Variants in KLHL13 observed in about 807,000 individuals in gnomAD.
KLHL13 encodes kelch-like protein 13.
Under a neutral mutation model 37.1 loss-of-function variants are expected in KLHL13, and 10 were observed. That is an observed-to-expected ratio of 0.27 (90% CI 0.17 to 0.46). The LOEUF (loss-of-function observed/expected upper bound fraction) is 0.46, where lower values mean the gene tolerates loss of function less well. Among genes scored for constraint, KLHL13 ranks in the 20% least tolerant of loss-of-function variants. The probability of loss-of-function intolerance (pLI) is 1.00; values close to 1 mark genes in which losing one functional copy is unlikely to be tolerated. For synonymous variants in KLHL13, 163 were observed against 181.2 expected, an observed-to-expected ratio of 0.90 and a Z score of 0.81; for missense variants, 360 against 509.3, an observed-to-expected ratio of 0.71 and a Z score of 2.82.
At chrX:117,930,084 G>C (rs759063101) in intron 2 of KLHL13, among the ~76,000 whole-genome samples, 2 of 108,304 alleles carry the variant, frequency 1.8e-5, no homozygotes, top group Non-Finnish European at 1.9e-5. Flanking sequence ...CATTTTTCTA[G>C]AGGTTTTATC....
chrX:118,032,515 C>T (rs980584399), intron 1 of KLHL13, among the ~76,000 whole-genome samples: 1 of 111,955 alleles, frequency 8.9e-6, no homozygotes, highest in Admixed American at 9.5e-5. Flanking sequence ...CTCCAACAGA[C>T]CTGCAGCTGA....
chrX:117,930,266 A>C (rs866822078), intron 2 of KLHL13, among the ~76,000 whole-genome samples: 54 of 90,922 alleles, frequency 5.9e-4, no homozygotes, highest in Middle Eastern at 5.8e-3. Flanking sequence ...GGAAGGAAGG[A>C]AGGAAGGAAG....
chrX:117,986,333 T>G (rs1299203552), intron 1 of KLHL13, among the ~76,000 whole-genome samples: 1 of 111,478 alleles, frequency 9.0e-6, no homozygotes, highest in East Asian at 2.8e-4. Context: ...ATCAGCAAAT[T>G]CTTCGATATG....
At chrX:118,095,554 A>G (rs2055195102) in intron 1 of KLHL13, among the ~76,000 whole-genome samples, 1 of 111,751 alleles carries the variant, frequency 8.9e-6, no homozygotes, top group South Asian at 3.7e-4. Flanking sequence ...ACAGACATCT[A>G]CAGAACTCTC....
intron 1 of KLHL13, among the ~76,000 whole-genome samples, chrX:118,018,199 C>A (rs2054149434): frequency 9.0e-6 from 1 of 111,538 alleles, no homozygotes; most frequent in Non-Finnish European, 1.9e-5. Flanking sequence ...CCCTTCTACA[C>A]TGACCTCCGC....
intron 1 of KLHL13, among the ~76,000 whole-genome samples, chrX:118,109,432 GC>G (rs2055383941): frequency 8.9e-6 from 1 of 111,958 alleles, no homozygotes; most frequent in African/African-American, 3.2e-5. Flanking sequence ...TACCACAGCT[GC>G]CCTTGCAAGC....
chrX:117,901,508 A>ATT (rs770977548), intron 6 of KLHL13, among the ~76,000 whole-genome samples: 1 of 102,255 alleles, frequency 9.8e-6, no homozygotes. Flanking sequence ...GTTTTTCTGG[A>ATT]TTTTTTTTTT....
chrX:117,979,212 G>A (rs887165971), intron 1 of KLHL13, among the ~76,000 whole-genome samples: 3 of 112,266 alleles, frequency 2.7e-5, no homozygotes, highest in African/African-American at 6.5e-5. Context: ...GATTACAGGC[G>A]TGAGCCACTG....
At chrX:118,078,446 A>T (rs1187760393) in intron 1 of KLHL13, among the ~76,000 whole-genome samples, 1 of 111,213 alleles carries the variant, frequency 9.0e-6, no homozygotes, top group Non-Finnish European at 1.9e-5. Flanking sequence ...GCAAGCACTA[A>T]CTTGTTTTCT....
rs55679488 is a variant in KLHL13 at position 118,090,080 on chromosome X, C to CA, written c.-56+26427dup. 3.6e-3 allele frequency among the ~76,000 whole-genome samples: 191 copies of CA among 53,613 alleles called. 1 individual carries two copies. The highest frequency in any genetic ancestry group is 0.011 in the African/African-American group (177 of 15,848). The allele number at this position is 53,613 out of a possible 115,157, so 46.6% of individuals were successfully genotyped here. On this transcript the variant is annotated intron_variant, in intron 1 of 6. Transcript: ENST00000371882. ...TGGGCAACAGAGCAAGACTCTGTCT[C>CA]AAAAAAAAAAAAAAAAAAAACTGGA...
chrX:117,977,692 T>C (rs1159223412), upstream of KLHL13, among the ~76,000 whole-genome samples: 1 of 112,301 alleles, frequency 8.9e-6, no homozygotes, highest in Non-Finnish European at 1.9e-5. Context: ...TAGACAAGAC[T>C]GCAGATCATG....
chrX:117,996,830 TAAA>T (rs5903508), intron 1 of KLHL13, among the ~76,000 whole-genome samples: 1,687 of 94,857 alleles, frequency 0.018, 31 homozygotes, highest in African/African-American at 0.059. Context: ...ATAGCCTATT[TAAA>T]AAAAAAAAAA....
chrX:118,033,624 T>C (rs868514750), intron 1 of KLHL13, among the ~76,000 whole-genome samples: 1,581 of 109,403 alleles, frequency 0.014, 34 homozygotes, highest in African/African-American at 0.05. Flanking sequence ...CGGTACCAGC[T>C]GCTGCAAAAT....
chrX:117,986,680 T>G (rs751105253), intron 1 of KLHL13, among the ~76,000 whole-genome samples: 2 of 111,838 alleles, frequency 1.8e-5, no homozygotes, highest in Non-Finnish European at 1.9e-5. Context: ...GCATGAAATC[T>G]CTTCCAAACT....
At chrX:118,040,168 T>A (rs187233913) in intron 1 of KLHL13, among the ~76,000 whole-genome samples, 403 of 111,212 alleles carry the variant, frequency 3.6e-3, no homozygotes, top group African/African-American at 0.012. Flanking sequence ...CTGCAAAGAT[T>A]AAAATAAATA....
chrX:117,963,078 A>G (rs1488031254), intron 1 of KLHL13, among the ~76,000 whole-genome samples: 1 of 112,222 alleles, frequency 8.9e-6, no homozygotes, highest in Admixed American at 9.5e-5. Context: ...AATTTAATCT[A>G]AAGTTCTGAA....
intron 1 of KLHL13, among the ~76,000 whole-genome samples, chrX:118,005,038 C>T (rs1404611166): frequency 8.9e-6 from 1 of 112,075 alleles, no homozygotes. Context: ...AAAGACATTA[C>T]AATTAATTGC....
intron 1 of KLHL13, among the ~76,000 whole-genome samples, chrX:117,962,445 G>A (rs2053319898): frequency 9.0e-6 from 1 of 110,502 alleles, no homozygotes; most frequent in Non-Finnish European, 1.9e-5. Context: ...CTACAGCACT[G>A]TCCGTGGCAG....
chrX:117,935,605 T>A (rs1272326256), intron 2 of KLHL13, among the ~76,000 whole-genome samples: 2 of 111,375 alleles, frequency 1.8e-5, no homozygotes, highest in Non-Finnish European at 3.8e-5. Flanking sequence ...AACAGGCGTA[T>A]CTGACATGGT....
Sources: allele counts gnomAD v4.1 joint callset (sites outside exome capture counted in the v4.1 genomes callset), GRCh38; gene constraint gnomAD v4.1.1; transcripts MANE v1.5; gene names NCBI Gene and HGNC (gene_info 2026-07-23, HGNC 2026-07-21).